SENP5: variants seen among roughly 807,000 people sequenced by gnomAD.
SENP5 encodes the protein SUMO specific peptidase 5, also known as sentrin-specific protease 5.
Under a neutral mutation model 74.2 loss-of-function variants are expected in SENP5, and 21 were observed. The ratio of observed to expected loss-of-function variants is 0.28; its 90% CI spans 0.20 to 0.41. SENP5 has a LOEUF of 0.41. Ranked by LOEUF, SENP5 falls within the 10% of genes least tolerant of loss-of-function variation. The pLI is 1.00. For missense variants in SENP5, 717 were observed against 889.1 expected (o/e 0.81, Z 2.46); for synonymous variants, 311 against 312.7 (o/e 0.99, Z 0.06).
intron 1 of SENP5, among the ~76,000 whole-genome samples, chr3:196,875,352 A>T (rs915260312): frequency 6.6e-6 from 1 of 152,190 alleles, no homozygotes; most frequent in Non-Finnish European, 1.5e-5. Context: ...CCTGTAACAG[A>T]TTCCTAATGG....
chr3:196,894,193 G>A (rs1309373282), intron 2 of SENP5, among the ~76,000 whole-genome samples: 1 of 142,060 alleles, frequency 7.0e-6, no homozygotes, highest in Non-Finnish European at 1.5e-5. Context: ...GCGTGATCTC[G>A]GCTCACGGTG....
intron 5 of SENP5, 152 bp downstream of exon 5, chr3:196,900,564 A>G (rs1714655498): frequency 1.8e-6 from 1 of 564,372 alleles, no homozygotes; most frequent in Non-Finnish European, 3.0e-6. Context: ...ACTGGGCTTG[A>G]TCGTAAGTTC....
At position 196,885,857 on chromosome 3, in the gene SENP5, A is replaced by G; in HGVS notation, c.676A>G (p.Lys226Glu). 1 of 1,614,066 alleles carries G rather than the reference A, an allele frequency of 6.2e-7. No individual in the cohort carries two copies. Among genetic ancestry groups the G allele is most frequent in the African/African-American group, 1.3e-5 (1 of 75,040 alleles). ...CCAACTTAACCAACATAGAAGGATA[A>G]AATTATCTCCTCTTATGATGTATGA... The part of the protein sequence containing the change: ...KFQLNQHRRI[K>E]LSPLMMYEKL... The change falls in exon 2 of 10, where the codon AAA becomes GAA. Residue 226 changes from lysine (K) to glutamate (E), a missense_variant. Transcript: ENST00000323460.
In SENP5 at chr3:196,870,169, T is replaced by C. The variant is rs559048838; in HGVS notation, c.-32+2096T>C. Reference sequence around the variant, plus strand: ...CCTTTTTCTTTTCTTGGTTAGATTGTACTCTGTCACTGATTTAAAGAATTT... The same window carrying C: ...CCTTTTTCTTTTCTTGGTTAGATTGCACTCTGTCACTGATTTAAAGAATTT... On this transcript the variant is annotated intron_variant, in intron 1 of 9. Coordinates refer to ENST00000323460, the MANE Select transcript of SENP5 (RefSeq NM_152699.5). Among the ~76,000 whole-genome samples, 24 of 152,352 alleles carry C rather than the reference T, an allele frequency of 1.6e-4. 1 individual carries two copies. In the South Asian group the frequency reaches 4.8e-3, roughly 30 times the overall value.
In SENP5 at chr3:196,868,059, G is replaced by C. The variant is rs1713006610; in HGVS notation, c.-46G>C. 1 of 152,306 alleles carries C rather than the reference G, an allele frequency of 6.6e-6. No individual in the cohort carries two copies. 9.4% of individuals were successfully genotyped at this position (152,306 alleles called of 1,614,324 possible). A position where few individuals can be genotyped will look rare whatever the true frequency, so the allele number is the denominator to read the frequency against. On this transcript the variant is annotated 5_prime_UTR_variant, in exon 1 of 10. Coordinates refer to ENST00000323460, the MANE Select transcript of SENP5 (RefSeq NM_152699.5). ...GGGCCGGCGGCGGGGCAGCTGCCAG[G>C]AACGAGGGTAGCAGGTAAGCGGGGA...
intron 6 of SENP5, among the ~76,000 whole-genome samples, chr3:196,906,011 G>C (rs1714888142): frequency 6.6e-6 from 1 of 152,194 alleles, no homozygotes; most frequent in Admixed American, 6.5e-5. Flanking sequence ...CTTGAGGTCA[G>C]GAGTTCAAGA....
intron 2 of SENP5, among the ~76,000 whole-genome samples, chr3:196,895,121 C>G (rs1714385562): frequency 6.6e-6 from 1 of 152,044 alleles, no homozygotes; most frequent in African/African-American, 2.4e-5. Context: ...TGGAATGTGA[C>G]CCAGGTCAGT....
chr3:196,930,225 T>C (rs918479608), intron 9 of SENP5, among the ~76,000 whole-genome samples: 1 of 152,152 alleles, frequency 6.6e-6, no homozygotes, highest in African/African-American at 2.4e-5. Context: ...TTTGTATACC[T>C]CATGCATGTT....
chr3:196,928,594 G>T (rs1421677082), intron 8 of SENP5, among the ~76,000 whole-genome samples: 1 of 152,184 alleles, frequency 6.6e-6, no homozygotes, highest in Non-Finnish European at 1.5e-5. Context: ...TTGATACAGA[G>T]TCAGGTCCTT....
At chr3:196,898,092 C>A (rs552401199) in intron 2 of SENP5, among the ~76,000 whole-genome samples, 1 of 150,480 alleles carries the variant, frequency 6.6e-6, no homozygotes, top group East Asian at 2.0e-4. Flanking sequence ...GTAGGAGAAT[C>A]ACTTGAACCC....
intron 1 of SENP5, among the ~76,000 whole-genome samples, chr3:196,870,885 T>C (rs974119441): frequency 3.9e-5 from 6 of 152,148 alleles, no homozygotes; most frequent in Non-Finnish European, 7.4e-5. Context: ...TAAAAAGTCA[T>C]GTTGGCTTGG....
chr3:196,897,446 G>A (rs1441769708), intron 2 of SENP5, among the ~76,000 whole-genome samples: 1 of 152,226 alleles, frequency 6.6e-6, no homozygotes, highest in Non-Finnish European at 1.5e-5. Flanking sequence ...GCCTAGAGCA[G>A]AATGGACGTG....
Position 196,885,444 on chromosome 3 carries a change from A to G in SENP5, c.263A>G (p.Asn88Ser). ...AKTKFNVATQ[N>S]VSTLSSKVKR... ...ACCAAGTTCAATGTGGCTACTCAAA[A>G]TGTTAGTACTTTGTCCTCTAAAGTG... The change falls in exon 2 of 10, where the codon AAT becomes AGT. Residue 88 changes from asparagine (N) to serine (S), a missense_variant. Coordinates refer to ENST00000323460, the MANE Select transcript of SENP5 (RefSeq NM_152699.5). 3 of 1,614,210 alleles carry G rather than the reference A, an allele frequency of 1.9e-6. No homozygotes were observed. Among genetic ancestry groups the G allele is most frequent in the Non-Finnish European group, 2.5e-6 (3 of 1,180,042 alleles).
chr3:196,882,251 T>A (rs1250385322), intron 1 of SENP5, among the ~76,000 whole-genome samples: 1 of 152,088 alleles, frequency 6.6e-6, no homozygotes, highest in Non-Finnish European at 1.5e-5. Context: ...ATTTACTATT[T>A]TGACCATTTT....
chr3:196,900,179 C>T, intron 4 of SENP5, 117 bp downstream of exon 4: 3 of 1,346,858 alleles, frequency 2.2e-6, no homozygotes, highest in East Asian at 2.4e-5. Flanking sequence ...TCATTCTTTA[C>T]TGGTTACTTG....
At chr3:196,919,731 T>A (rs1210359716) in intron 6 of SENP5, among the ~76,000 whole-genome samples, 1 of 151,504 alleles carries the variant, frequency 6.6e-6, no homozygotes, top group South Asian at 2.1e-4. Flanking sequence ...AGGCGGAGGT[T>A]GCAGTGAGCC....
intron 2 of SENP5, among the ~76,000 whole-genome samples, chr3:196,899,458 G>C (rs1714604989): frequency 6.6e-6 from 1 of 152,090 alleles, no homozygotes; most frequent in African/African-American, 2.4e-5. Flanking sequence ...CTCACAGTAT[G>C]TCTCTCTAGA....
chr3:196,908,191 G>A (rs935648508), intron 6 of SENP5, among the ~76,000 whole-genome samples: 3 of 152,028 alleles, frequency 2.0e-5, no homozygotes, highest in African/African-American at 7.2e-5. Context: ...GCGGTGGGAG[G>A]ATCACTTGAG....
intron 6 of SENP5, among the ~76,000 whole-genome samples, chr3:196,916,988 G>T (rs1028081635): frequency 1.3e-5 from 2 of 151,890 alleles, no homozygotes; most frequent in Admixed American, 1.3e-4. Flanking sequence ...ACAAAAATTA[G>T]CCGGGCGTGG....
Sources: gnomAD v4.1 joint callset for allele counts (sites outside exome capture counted in the v4.1 genomes callset) on GRCh38, gnomAD v4.1.1 for gene constraint, MANE v1.5 for transcripts, NCBI Gene and HGNC (gene_info 2026-07-23, HGNC 2026-07-21) for gene names.